The following NF1 variants were observed in gnomAD, a reference collection of about 807,000 sequenced individuals.
NF1 encodes the protein neurofibromin.
Under a neutral mutation model 325.7 loss-of-function variants are expected in NF1, and 122 were observed. That is an observed-to-expected ratio of 0.37 (90% confidence interval 0.32 to 0.44). NF1 has a LOEUF of 0.44. Among genes scored for constraint, NF1 ranks in the 20% least tolerant of loss-of-function variants. NF1 has a pLI of 1.00. For missense variants in NF1, 2,140 were observed against 3,415.4 expected, an observed-to-expected ratio of 0.63 and a Z score of 9.31; for synonymous variants, 1,091 against 1,186.0, an observed-to-expected ratio of 0.92 and a Z score of 1.65.
At position 31,200,230 on chromosome 17, in the gene NF1, G is replaced by T. The variant is rs548990878; in HGVS notation, c.889-192G>T. ...TAATTCAATAAAGAAAATAGAAAAA[G>T]GATTTTTTTTAAATTTGAGAAACAT... On this transcript the variant is annotated intron_variant, in intron 8 of 57. Transcript: ENST00000358273. 0.025 allele frequency among the ~76,000 whole-genome samples: 2,491 copies of T among 99,132 alleles called. 41 individuals are homozygous for T. Among genetic ancestry groups the T allele is most frequent in the Middle Eastern group, 0.048 (6 of 124 alleles). 65.0% of individuals were successfully genotyped at this position (99,132 alleles called of 152,430 possible).
rs748725395 is a variant in NF1 at position 31,336,835 on chromosome 17, C to G, written c.6348C>G (p.Leu2116=). ...VVTFLVATGP[L]SLRASTHGLV... is the part of the protein sequence containing the mutation. ...CTTTCTTAGTAGCCACAGGTCCGCT[C>G]TCCCTTAGAGCTTCCACACATGGAC... The change falls in exon 42 of 58, where the codon CTC becomes CTG. Residue 2116 remains leucine, a synonymous_variant. Transcript: ENST00000358273. This position sits in a 1 kb window ranked among gnomAD's most constrained non-coding sequence, Gnocchi z 5.5. 6.2e-7 allele frequency: 1 copy of G among 1,613,976 alleles called. No individual in the cohort carries two copies. The highest frequency in any genetic ancestry group is 1.1e-5 in the South Asian group (1 of 91,070).
At chr17:31,318,714 G>A (rs145171817) in intron 36 of NF1, 3 of 1,614,106 alleles carry the variant, frequency 1.9e-6, no homozygotes, top group Admixed American at 3.3e-5. Flanking sequence ...GACTGTTGCT[G>A]ACGACAGAAG....
intron 1 of NF1, among the ~76,000 whole-genome samples, chr17:31,126,301 A>T (rs1964878356): frequency 6.6e-6 from 1 of 152,194 alleles, no homozygotes; most frequent in Non-Finnish European, 1.5e-5. Flanking sequence ...TCGGATATTC[A>T]TAGAGCATTT....
rs201620067 is a variant in NF1, at chr17:31,194,328, TA to T, written c.889-6086del. On this transcript the variant is annotated intron_variant, in intron 8 of 57. Transcript: ENST00000358273. ...AGTGTTCTCATTCATATGTGGAAGCTAAAAAAAAGTTGATCTCAGAAGTAAA... is the reference window on the plus strand; with the variant it reads ...AGTGTTCTCATTCATATGTGGAAGCTAAAAAAAGTTGATCTCAGAAGTAAA... Among the ~76,000 whole-genome samples the T allele has an allele frequency of 6.9e-3, 1,043 of 151,728 alleles. 17 individuals carry two copies. Among genetic ancestry groups the T allele is most frequent in the African/African-American group, 0.024 (975 of 41,404 alleles).
intron 36 of NF1, among the ~76,000 whole-genome samples, chr17:31,300,067 C>T (rs577464084): frequency 2.9e-4 from 44 of 152,108 alleles, no homozygotes; most frequent in Admixed American, 2.7e-3. Flanking sequence ...TGTAGCTCTG[C>T]TTGCTTTATT....
chr17:31,179,551 C>A (rs2066086874), intron 5 of NF1, among the ~76,000 whole-genome samples: 1 of 152,070 alleles, frequency 6.6e-6, no homozygotes. Context: ...AAAAACCTTT[C>A]AAAAAATCAA....
intron 16 of NF1, 22 bp downstream of exon 16, chr17:31,223,589 A>C: frequency 6.2e-7 from 1 of 1,603,844 alleles, no homozygotes; most frequent in East Asian, 2.2e-5. Context: ...GACATATTTA[A>C]AAAATGGAAG....
chr17:31,119,091 G>A (rs1184070899), intron 1 of NF1, among the ~76,000 whole-genome samples: 5 of 152,082 alleles, frequency 3.3e-5, no homozygotes, highest in African/African-American at 1.2e-4. Flanking sequence ...ACAGGTGTGT[G>A]CCACCACACC....
chr17:31,250,408 G>A (rs1210906642), intron 30 of NF1: 3 of 215,382 alleles, frequency 1.4e-5, no homozygotes, highest in African/African-American at 4.6e-5. Context: ...AAAATAGTCT[G>A]GGTCAGCTTC....
chr17:31,131,293 GGTCTCCTTGTGGTGGAGGA>G (rs1398675223), intron 1 of NF1, among the ~76,000 whole-genome samples: 1 of 152,164 alleles, frequency 6.6e-6, no homozygotes, highest in Non-Finnish European at 1.5e-5. Context: ...GTGGTTGAGG[GGTCTCCTTGTGGTGGAGGA>G]GTCTCCTTCT....
In NF1 at chr17:31,361,106, A is replaced by AAAG. The variant is rs1256610054; in HGVS notation, c.8377+418_8377+420dup. ...CAAAAAAAAAAAAAAAAAAAAAAAA[A>AAAG]AAGAAGAAGAAGAAGAAACACAAAA... On this transcript the variant is annotated intron_variant, in intron 57 of 57. Coordinates refer to ENST00000358273, the MANE Select transcript of NF1 (RefSeq NM_001042492.3). 21 of 149,342 alleles carry AAAG rather than the reference A, an allele frequency of 1.4e-4. No homozygotes were observed. In the East Asian group the frequency reaches 2.0e-3, roughly 14 times the overall value. The allele number at this position is 149,342 out of a possible 1,614,324, so 9.3% of individuals were successfully genotyped here. A position where few individuals can be genotyped will look rare whatever the true frequency, so the allele number is the denominator to read the frequency against.
chr17:31,354,221 A>T (rs1365204071), intron 51 of NF1, among the ~76,000 whole-genome samples: 1 of 152,236 alleles, frequency 6.6e-6, no homozygotes, highest in Non-Finnish European at 1.5e-5. Flanking sequence ...ATATGTCTTG[A>T]TGGAGAAAGC....
At chr17:31,325,058 A>C (rs1597828806) in intron 36 of NF1, among the ~76,000 whole-genome samples, 1 of 152,170 alleles carries the variant, frequency 6.6e-6, no homozygotes, top group African/African-American at 2.4e-5. Flanking sequence ...CCCATTTATT[A>C]GTATTCTTTT....
intron 36 of NF1, among the ~76,000 whole-genome samples, chr17:31,298,010 T>A (rs1326387962): frequency 6.6e-6 from 1 of 152,150 alleles, no homozygotes; most frequent in Non-Finnish European, 1.5e-5. Flanking sequence ...TTTTTCTTTA[T>A]GCAACCTTGG....
At position 31,336,890 on chromosome 17, in the gene NF1, A is replaced by C. The variant is rs1555534767; in HGVS notation, c.6403A>C (p.Thr2135Pro). 1 of 1,611,862 alleles carries C rather than the reference A, an allele frequency of 6.2e-7. No individual in the cohort carries two copies. The highest frequency in any genetic ancestry group is 8.5e-7 in the Non-Finnish European group (1 of 1,179,990). ...CATTAATATCATTCACTCTCTGTGT[A>C]CTTGTTCACAGCTTCATTTTAGTGG... is the stretch of plus-strand genomic sequence containing the variant. The part of the protein sequence containing the change: ...LVINIIHSLC[T>P]CSQLHFSEET... Residue 2135 changes from threonine (T) to proline (P), a missense_variant, in exon 42 of 58, where the codon ACT (threonine) becomes CCT (proline). Physicochemically the swap from Thr to Pro is conservative, Grantham distance 38. Around this residue, in one of 10 missense-constraint regions of NF1, gnomAD observed 180 missense variants for 435.1 expected, o/e 0.41. Transcript: ENST00000358273. This position sits in a 1 kb window ranked among gnomAD's most constrained non-coding sequence, Gnocchi z 5.5.
intron 36 of NF1, chr17:31,294,826 C>T: frequency 1.4e-6 from 1 of 717,236 alleles, no homozygotes; most frequent in Non-Finnish European, 2.3e-6. Flanking sequence ...GCAGCAAGTA[C>T]CAAGACATTG....
chr17:31,230,954 G>T, intron 24 of NF1, 29 bp downstream of exon 24: 1 of 1,543,834 alleles, frequency 6.5e-7, no homozygotes, highest in South Asian at 1.1e-5. Flanking sequence ...TCAAGTATTA[G>T]TGGGTTTTAC....
intron 8 of NF1, among the ~76,000 whole-genome samples, chr17:31,193,673 A>G (rs1183485832): frequency 9.7e-6 from 1 of 102,978 alleles, no homozygotes; most frequent in Admixed American, 8.6e-5. Flanking sequence ...ACAGCAAAAA[A>G]CAAAACAAAA....
At chr17:31,232,324 A>ACTGT in intron 25 of NF1, 135 bp downstream of exon 25, 3 of 673,988 alleles carry the variant, frequency 4.5e-6, no homozygotes, top group Non-Finnish European at 7.9e-6. Context: ...TTTTAAAGAA[A>ACTGT]GTAATATGAT....
Sources: gnomAD v4.1 joint callset for allele counts (sites outside exome capture counted in the v4.1 genomes callset) on GRCh38, gnomAD v4.1.1 for gene constraint, gnomAD v4.1.1 regional missense constraint, Gnocchi (gnomAD v3.1) non-coding constraint, MANE v1.5 for transcripts, NCBI Gene and HGNC (gene_info 2026-07-23, HGNC 2026-07-21) for gene names.